The following PARD3 variants were observed in gnomAD, a reference collection of about 807,000 sequenced individuals.
PARD3 encodes par-3 family cell polarity regulator.
PARD3 carries 75 observed loss-of-function variants against 155.4 expected under a neutral mutation model. The ratio of observed to expected loss-of-function variants is 0.48; its 90% confidence interval spans 0.40 to 0.58. The LOEUF (loss-of-function observed/expected upper bound fraction) is 0.58, where lower values mean the gene tolerates loss of function less well. Among genes scored for constraint, PARD3 ranks in the 20% least tolerant of loss-of-function variants. PARD3 has a pLI of 0.00. For missense variants in PARD3, 1,642 were observed against 1,721.7 expected, an observed-to-expected ratio of 0.95 and a Z score of 0.82; for synonymous variants, 576 against 610.5, an observed-to-expected ratio of 0.94 and a Z score of 0.83.
At chr10:34,286,689 A>G (rs1956410237) in intron 20 of PARD3, among the ~76,000 whole-genome samples, 1 of 152,232 alleles carries the variant, frequency 6.6e-6, no homozygotes, top group South Asian at 2.1e-4. Context: ...GGCAGACCAC[A>G]TGGATTTTGG....
chr10:34,603,674 T>C (rs959954581), intron 2 of PARD3, among the ~76,000 whole-genome samples: 4 of 152,154 alleles, frequency 2.6e-5, no homozygotes, highest in African/African-American at 9.7e-5. Context: ...CGTGAGGCCA[T>C]AATATTCATC....
At chr10:34,146,926 C>A (rs1289471197) in intron 22 of PARD3, among the ~76,000 whole-genome samples, 1 of 152,132 alleles carries the variant, frequency 6.6e-6, no homozygotes, top group Non-Finnish European at 1.5e-5. Context: ...TAAACTGAAC[C>A]TGATTAAAGT....
At chr10:34,674,550 A>C (rs1413560327) in intron 2 of PARD3, among the ~76,000 whole-genome samples, 1 of 142,898 alleles carries the variant, frequency 7.0e-6, no homozygotes, top group Non-Finnish European at 1.5e-5. Flanking sequence ...GCAGTGGCAC[A>C]ATCTCGGCTC....
intron 2 of PARD3, among the ~76,000 whole-genome samples, chr10:34,559,132 C>T (rs2085261647): frequency 6.6e-6 from 1 of 152,182 alleles, no homozygotes; most frequent in East Asian, 1.9e-4. Flanking sequence ...CCTGGACTTC[C>T]ACAAGTCTCT....
chr10:34,777,608 G>A (rs1588702297), intron 1 of PARD3, among the ~76,000 whole-genome samples: 1 of 152,138 alleles, frequency 6.6e-6, no homozygotes, highest in Non-Finnish European at 1.5e-5. Flanking sequence ...TGCAATCGCT[G>A]CAGCCTCAAA....
At chr10:34,387,424 T>G (rs1482584903) in intron 7 of PARD3, among the ~76,000 whole-genome samples, 5 of 152,182 alleles carry the variant, frequency 3.3e-5, no homozygotes, top group Non-Finnish European at 7.3e-5. Flanking sequence ...TCACTTTAAT[T>G]TTTTTTGAGA....
At chr10:34,674,147 A>G (rs1339812133) in intron 2 of PARD3, among the ~76,000 whole-genome samples, 1 of 151,996 alleles carries the variant, frequency 6.6e-6, no homozygotes, top group Non-Finnish European at 1.5e-5. Flanking sequence ...TTATATCTGT[A>G]TTTCTTCGTT....
chr10:34,541,581 C>A (rs1234402201), intron 2 of PARD3, among the ~76,000 whole-genome samples: 1 of 152,190 alleles, frequency 6.6e-6, no homozygotes, highest in Non-Finnish European at 1.5e-5. Flanking sequence ...TTAGACCACA[C>A]CTCAGAGAAT....
At chr10:34,203,801 T>A (rs898772687) in intron 22 of PARD3, among the ~76,000 whole-genome samples, 1 of 152,182 alleles carries the variant, frequency 6.6e-6, no homozygotes, top group African/African-American at 2.4e-5. Context: ...TCCACACACC[T>A]GAGTTCTATT....
At chr10:34,813,972 A>G (rs987511904) in intron 1 of PARD3, among the ~76,000 whole-genome samples, 2 of 152,250 alleles carry the variant, frequency 1.3e-5, no homozygotes, top group Non-Finnish European at 2.9e-5. Flanking sequence ...CACTTCTGAC[A>G]CACAGTAGAG....
At chr10:34,249,309 G>A (rs1437134625) in intron 22 of PARD3, among the ~76,000 whole-genome samples, 3 of 152,118 alleles carry the variant, frequency 2.0e-5, no homozygotes, top group African/African-American at 7.2e-5. Context: ...AGCATGCTCA[G>A]CCTGCATTTA....
At chr10:34,171,405 T>A (rs182855702) in intron 22 of PARD3, among the ~76,000 whole-genome samples, 1 of 152,310 alleles carries the variant, frequency 6.6e-6, no homozygotes, top group East Asian at 1.9e-4. Flanking sequence ...ATACTAAATA[T>A]GGACGAGATC....
At chr10:34,372,930 TTGAACCACAGTC>T (rs1178321298) in intron 11 of PARD3, among the ~76,000 whole-genome samples, 3 of 152,094 alleles carry the variant, frequency 2.0e-5, no homozygotes. Flanking sequence ...TAATAACAGT[TTGAACCACAGTC>T]TGAACCACAG....
intron 22 of PARD3, among the ~76,000 whole-genome samples, chr10:34,199,930 T>G (rs976384216): frequency 6.6e-6 from 1 of 152,122 alleles, no homozygotes; most frequent in African/African-American, 2.4e-5. Context: ...GAAAAACGGT[T>G]TAGTGATTCC....
intron 22 of PARD3, among the ~76,000 whole-genome samples, chr10:34,197,433 C>T (rs1019313571): frequency 5.9e-5 from 9 of 152,148 alleles, no homozygotes; most frequent in South Asian, 2.1e-4. Flanking sequence ...ACAGGCCACC[C>T]GCCCATTCCC....
chr10:34,299,289 G>C (rs1233658969), intron 20 of PARD3, among the ~76,000 whole-genome samples: 1 of 152,192 alleles, frequency 6.6e-6, no homozygotes, highest in Admixed American at 6.5e-5. Context: ...TGTCAGTACT[G>C]AAGACAAAAG....
chr10:34,359,113 A>G (rs535548304), intron 14 of PARD3, 34 bp downstream of exon 14: 7 of 1,572,590 alleles, frequency 4.5e-6, no homozygotes, highest in Non-Finnish European at 6.1e-6. Context: ...TTTATTTACA[A>G]TTTTAGATAC....
chr10:34,201,864 G>A (rs1951230395), intron 22 of PARD3: 1 of 152,148 alleles, frequency 6.6e-6, no homozygotes, highest in African/African-American at 2.4e-5. Context: ...ACCTTGTGCT[G>A]GATACCAGGG....
rs548045202 is a variant in PARD3 at position 34,129,290 on chromosome 10, T to A, written c.3540+2173A>T. Among the ~76,000 whole-genome samples, 4 of 152,218 alleles carry A rather than the reference T, an allele frequency of 2.6e-5. No homozygotes were observed. In the South Asian group the frequency reaches 8.3e-4, roughly 32 times the overall value. Reference sequence around the variant, plus strand: ...GCCTCAGCCTCCCGAGTAGCCTGGATTACAGGCATGTGCCACCAGGACTGG... The same window carrying A: ...GCCTCAGCCTCCCGAGTAGCCTGGAATACAGGCATGTGCCACCAGGACTGG... On this transcript the variant is annotated intron_variant, in intron 23 of 24. Coordinates refer to ENST00000374788, the MANE Select transcript of PARD3 (RefSeq NM_001184785.2).
Sources: allele counts gnomAD v4.1 joint callset (sites outside exome capture counted in the v4.1 genomes callset), GRCh38; gene constraint gnomAD v4.1.1; transcripts MANE v1.5; gene names NCBI Gene and HGNC (gene_info 2026-07-23, HGNC 2026-07-21).